SMYD3: variants seen among roughly 807,000 people sequenced by gnomAD.
SMYD3 encodes SET and MYND domain containing 3, also known as histone-lysine N-methyltransferase SMYD3.
In SMYD3, 36 loss-of-function variants were observed where a neutral mutation model predicts 57.7. The ratio of observed to expected loss-of-function variants is 0.62; its 90% CI spans 0.48 to 0.82. SMYD3 has a LOEUF of 0.82. SMYD3 is among the 40% of genes least tolerant of loss of function. The probability of loss-of-function intolerance (pLI) is 0.00; values close to 1 mark genes in which losing one functional copy is unlikely to be tolerated. For missense variants in SMYD3, 515 were observed against 538.8 expected (o/e 0.96, Z 0.44); for synonymous variants, 211 against 195.0 (o/e 1.08, Z -0.68).
chr1:245,802,790 G>A (rs1003943641), intron 10 of SMYD3, among the ~76,000 whole-genome samples: 1 of 152,184 alleles, frequency 6.6e-6, no homozygotes. Context: ...TCAAGATAAT[G>A]GAATAATCGG....
chr1:246,073,069 T>G (rs2060485459), intron 5 of SMYD3, among the ~76,000 whole-genome samples: 1 of 152,234 alleles, frequency 6.6e-6, no homozygotes, highest in African/African-American at 2.4e-5. Flanking sequence ...TTTTGATGAC[T>G]GCAGTTACAA....
rs2053530960 is a variant in SMYD3 at position 245,893,563 on chromosome 1, T to A, written c.813+21967A>T. 5.3e-5 allele frequency among the ~76,000 whole-genome samples: 8 copies of A among 152,292 alleles called. No individual in the cohort carries two copies. The South Asian group carries it at 1.7e-3, about 32-fold the overall frequency. On this transcript the variant is annotated intron_variant, in intron 8 of 11. Transcript: ENST00000490107. The stretch of plus-strand genomic sequence containing the variant: ...ATTGAGGTTATATATTATAAATGTG[T>A]GTACAAATAACATGGCTAAGCAAAA...
intron 11 of SMYD3, among the ~76,000 whole-genome samples, chr1:245,762,813 C>G (rs1201897385): frequency 6.6e-6 from 1 of 152,208 alleles, no homozygotes; most frequent in Non-Finnish European, 1.5e-5. Context: ...CAGCCGGCCC[C>G]TGGACACGCC....
At position 246,166,601 on chromosome 1, in the gene SMYD3, G is replaced by A. The variant is rs537718512; in HGVS notation, c.531+160600C>T. ...TTCCTGGAGTCTCGGCTGGAGTCTGGGAACCACGTCAGTCATTGTGCTTGT... is the reference window on the plus strand; with the variant it reads ...TTCCTGGAGTCTCGGCTGGAGTCTGAGAACCACGTCAGTCATTGTGCTTGT... On this transcript the variant is annotated intron_variant, in intron 5 of 11. Coordinates refer to ENST00000490107, the MANE Select transcript of SMYD3 (RefSeq NM_001167740.2). Among the ~76,000 whole-genome samples, 4 of 152,198 alleles carry A rather than the reference G, an allele frequency of 2.6e-5. No individual in the cohort carries two copies. The South Asian group carries it at 8.3e-4, about 32-fold the overall frequency.
chr1:246,061,818 G>T (rs1205197587), intron 5 of SMYD3, among the ~76,000 whole-genome samples: 4 of 152,204 alleles, frequency 2.6e-5, no homozygotes, highest in Admixed American at 6.5e-5. Flanking sequence ...CGTTAGTGAT[G>T]AAATGAGAGC....
chr1:246,174,091 T>C (rs1211842113), intron 5 of SMYD3, among the ~76,000 whole-genome samples: 2 of 152,000 alleles, frequency 1.3e-5, no homozygotes, highest in African/African-American at 4.8e-5. Context: ...ACTACAGGCA[T>C]GAGCCACTGC....
chr1:246,464,952 T>C (rs1419293699), intron 1 of SMYD3, among the ~76,000 whole-genome samples: 1 of 152,258 alleles, frequency 6.6e-6, no homozygotes, highest in Non-Finnish European at 1.5e-5. Flanking sequence ...ATATATCTTC[T>C]TGCTTTAAGA....
intron 8 of SMYD3, among the ~76,000 whole-genome samples, chr1:245,867,650 G>A (rs1022970548): frequency 9.2e-5 from 12 of 130,108 alleles, no homozygotes; most frequent in East Asian, 7.0e-4. Context: ...GTGCATGCGC[G>A]TGCGTGTGCG....
intron 10 of SMYD3, among the ~76,000 whole-genome samples, chr1:245,799,599 AT>A (rs1392080618): frequency 7.9e-5 from 12 of 152,366 alleles, no homozygotes; most frequent in African/African-American, 2.9e-4. Flanking sequence ...TTTATGTTTT[AT>A]TATAAAGTGT....
At chr1:246,465,149 T>A (rs1161938394) in intron 1 of SMYD3, among the ~76,000 whole-genome samples, 1 of 152,228 alleles carries the variant, frequency 6.6e-6, no homozygotes, top group Non-Finnish European at 1.5e-5. Flanking sequence ...CCTCTTTTTT[T>A]GTTTTCCAGA....
chr1:245,973,967 T>C (rs1056293573), intron 5 of SMYD3, among the ~76,000 whole-genome samples: 6 of 152,052 alleles, frequency 3.9e-5, no homozygotes, highest in African/African-American at 7.3e-5. Context: ...AAATAGACTT[T>C]TGCATTTTAA....
chr1:246,426,081 A>T (rs968074261), intron 1 of SMYD3: 2 of 152,178 alleles, frequency 1.3e-5, no homozygotes, highest in African/African-American at 4.8e-5. Context: ...CTGACTGAAA[A>T]GTCAATTGAG....
chr1:246,249,137 A>T (rs956561389), intron 5 of SMYD3, among the ~76,000 whole-genome samples: 6 of 151,910 alleles, frequency 3.9e-5, no homozygotes, highest in Admixed American at 3.9e-4. Flanking sequence ...TTTGAGACAC[A>T]GTCTCACTCT....
At chr1:245,860,510 C>T (rs558677607) in intron 9 of SMYD3, among the ~76,000 whole-genome samples, 4 of 152,312 alleles carry the variant, frequency 2.6e-5, no homozygotes, top group South Asian at 4.1e-4. Flanking sequence ...CAGTATCTTA[C>T]TCCAAAAGAT....
intron 5 of SMYD3, among the ~76,000 whole-genome samples, chr1:246,107,692 T>G (rs2061155878): frequency 6.6e-6 from 1 of 152,232 alleles, no homozygotes; most frequent in Non-Finnish European, 1.5e-5. Flanking sequence ...TGCTAATGCT[T>G]TGGCAAATGA....
Position 245,764,150 on chromosome 1 carries a change from C to A in SMYD3, c.1077-1G>T, listed in dbSNP as rs2045971409. ...GGGATGGCTTCCTGGGAAAAAAATCCTGGAAGAAACCAAACGGCAAACAGT... is the reference window on the plus strand; with the variant it reads ...GGGATGGCTTCCTGGGAAAAAAATCATGGAAGAAACCAAACGGCAAACAGT... On this transcript the variant is annotated splice_acceptor_variant, in intron 10 of 11. Transcript: ENST00000490107. LOFTEE classifies it high-confidence loss of function. The A allele has an allele frequency of 6.2e-7, 1 of 1,611,292 alleles. No homozygotes were observed. Among genetic ancestry groups the A allele is most frequent in the Admixed American group, 1.7e-5 (1 of 59,992 alleles).
intron 10 of SMYD3, among the ~76,000 whole-genome samples, chr1:245,822,799 G>A (rs1558388259): frequency 6.6e-6 from 1 of 152,070 alleles, no homozygotes; most frequent in African/African-American, 2.4e-5. Context: ...TCTTAACTCC[G>A]TGATCAAAAG....
At chr1:246,063,891 CA>C in intron 5 of SMYD3, among the ~76,000 whole-genome samples, 1 of 152,340 alleles carries the variant, frequency 6.6e-6, no homozygotes, top group Admixed American at 6.5e-5. Context: ...CCACCCGCTT[CA>C]ACCTCCCAAA....
In SMYD3 at chr1:246,173,407, C is replaced by G. The variant is rs576083358; in HGVS notation, c.531+153794G>C. 6.6e-5 allele frequency among the ~76,000 whole-genome samples: 10 copies of G among 152,324 alleles called. No individual in the cohort carries two copies. The South Asian group carries it at 2.1e-3, about 32-fold the overall frequency. On this transcript the variant is annotated intron_variant, in intron 5 of 11. Transcript: ENST00000490107. ...TTTATTAAAAATCTTTTTCTTTCTT[C>G]AGTAATAAATTAAGCTTAGCTTACT...
Sources: allele counts gnomAD v4.1 joint callset (sites outside exome capture counted in the v4.1 genomes callset), GRCh38; gene constraint gnomAD v4.1.1; transcripts MANE v1.5; gene names NCBI Gene and HGNC (gene_info 2026-07-23, HGNC 2026-07-21).